Variants in CFAP70 observed in about 807,000 individuals in gnomAD.
CFAP70 encodes the protein cilia and flagella associated protein 70.
A neutral mutation model predicts 137.6 loss-of-function variants in CFAP70; 81 were observed. The observed-to-expected ratio is 0.59, with a 90% CI of 0.49 to 0.71. The LOEUF (loss-of-function observed/expected upper bound fraction) is 0.71, where lower values mean the gene tolerates loss of function less well. CFAP70 is among the 30% of genes least tolerant of loss of function. The pLI, the probability that CFAP70 is intolerant of heterozygous loss-of-function variation, is 0.00. For missense variants in CFAP70, 976 were observed against 1,226.7 expected (o/e 0.80, Z 3.05); for synonymous variants, 382 against 423.6 (o/e 0.90, Z 1.20).
intron 25 of CFAP70, among the ~76,000 whole-genome samples, chr10:73,267,083 A>C (rs1377777914): frequency 6.6e-6 from 1 of 152,080 alleles, no homozygotes; most frequent in African/African-American, 2.4e-5. Context: ...GTTTTTATTC[A>C]GCCTCATTTC....
intron 5 of CFAP70, among the ~76,000 whole-genome samples, chr10:73,343,981 G>C (rs1346794922): frequency 2.1e-5 from 3 of 144,934 alleles, no homozygotes; most frequent in Non-Finnish European, 4.5e-5. Flanking sequence ...TTTTTTTTGA[G>C]ATGGCGTTTC....
At chr10:73,269,694 C>T in exon 25 of CFAP70, 1 of 1,613,360 alleles carries the variant, frequency 6.2e-7, no homozygotes, top group Non-Finnish European at 8.5e-7. Flanking sequence ...AGAGCATCCT[C>T]AGCCTCTGTG....
chr10:73,272,799 A>T (rs777751223), intron 24 of CFAP70, 129 bp downstream of exon 25: 1 of 815,852 alleles, frequency 1.2e-6, no homozygotes, highest in Non-Finnish European at 2.1e-6. Flanking sequence ...TTGAAGAACA[A>T]CTTTTCATTA....
chr10:73,291,402 A>G (rs1371103995), exon 19 of CFAP70: 2 of 1,614,084 alleles, frequency 1.2e-6, no homozygotes, highest in South Asian at 1.1e-5. Flanking sequence ...ATGAAATGCC[A>G]TTTCCATTCG....
chr10:73,292,501 A>G (rs960437081), intron 16 of CFAP70, among the ~76,000 whole-genome samples: 1 of 152,338 alleles, frequency 6.6e-6, no homozygotes, highest in African/African-American at 2.4e-5. Context: ...AATATTGTTA[A>G]GATGTCAATA....
chr10:73,323,201 A>C (rs12240326), intron 8 of CFAP70, 104 bp from the exon 10 acceptor site: 1 of 1,100,760 alleles, frequency 9.1e-7, no homozygotes, highest in Non-Finnish European at 1.2e-6. Flanking sequence ...AAACTAACTC[A>C]ACTACTTAGC....
chr10:73,331,941 C>G (rs2052146920), intron 7 of CFAP70, among the ~76,000 whole-genome samples: 1 of 152,048 alleles, frequency 6.6e-6, no homozygotes, highest in South Asian at 2.1e-4. Flanking sequence ...AAATAGTATC[C>G]AGTTTCAGCT....
chr10:73,352,033 G>A (rs1199966406), intron 3 of CFAP70, among the ~76,000 whole-genome samples: 1 of 152,224 alleles, frequency 6.6e-6, no homozygotes, highest in East Asian at 1.9e-4. Context: ...GGTTTCCACT[G>A]ATACCACAGT....
rs12255344 is a variant in CFAP70, at chr10:73,279,572, T to A, written c.2240-1235A>T. Among the ~76,000 whole-genome samples the A allele has an allele frequency of 9.7e-3, 1,007 of 103,378 alleles. 15 individuals carry two copies. Among genetic ancestry groups the A allele is most frequent in the African/African-American group, 0.023 (590 of 25,978 alleles). The allele number at this position is 103,378 out of a possible 152,430, so 67.8% of individuals were successfully genotyped here. A position where few individuals can be genotyped will look rare whatever the true frequency, so the allele number is the denominator to read the frequency against. ...AAATAAATAAATAAATAAATAAATA[T>A]AAGAAGTTGGGCGAGGTGACTCACG... On this transcript the variant is annotated intron_variant, in intron 19 of 26. Transcript: ENST00000310715.
chr10:73,291,718 T>C (rs780511862), exon 18 of CFAP70: 1 of 1,613,990 alleles, frequency 6.2e-7, no homozygotes, highest in Non-Finnish European at 8.5e-7. Context: ...TGCTCATAGT[T>C]CTCCAACAGG....
At chr10:73,267,292 G>T (rs1170410904) in intron 25 of CFAP70, among the ~76,000 whole-genome samples, 8 of 152,200 alleles carry the variant, frequency 5.3e-5, no homozygotes, top group Non-Finnish European at 1.0e-4. Context: ...GTTAATGTTG[G>T]CTGTTGGCTG....
intron 25 of CFAP70, among the ~76,000 whole-genome samples, chr10:73,269,282 A>G (rs1053257326): frequency 1.3e-5 from 2 of 152,246 alleles, no homozygotes; most frequent in Non-Finnish European, 2.9e-5. Flanking sequence ...AAGCACCCTC[A>G]GCCAGCATTT....
chr10:73,323,128 G>A, intron 8 of CFAP70, 31 bp from the exon 10 acceptor site: 2 of 1,576,334 alleles, frequency 1.3e-6, no homozygotes, highest in Admixed American at 1.8e-5. Flanking sequence ...AGTTGTTAGT[G>A]CTATAAGCAA....
In CFAP70 at chr10:73,292,589, A is replaced by G. The variant is rs142880308; in HGVS notation, c.1771-575T>C. Among the ~76,000 whole-genome samples, 6 of 152,326 alleles carry G rather than the reference A, an allele frequency of 3.9e-5. No homozygotes were observed. In the East Asian group the frequency reaches 1.2e-3, roughly 29 times the overall value. ...AATGCCTCAAAATTCTCAAAAAGTTAAACACAGAATTACCGTATGTCTCAG... is the reference window on the plus strand; with the variant it reads ...AATGCCTCAAAATTCTCAAAAAGTTGAACACAGAATTACCGTATGTCTCAG... On this transcript the variant is annotated intron_variant, in intron 16 of 26. Coordinates refer to ENST00000310715, the Ensembl canonical transcript of CFAP70.
intron 8 of CFAP70, among the ~76,000 whole-genome samples, chr10:73,330,309 G>A (rs771015408): frequency 1.3e-5 from 2 of 151,852 alleles, no homozygotes; most frequent in Non-Finnish European, 2.9e-5. Flanking sequence ...AATTAGCCGG[G>A]CGTGGTGGTG....
At chr10:73,315,412 T>C (rs182969457) in intron 9 of CFAP70, among the ~76,000 whole-genome samples, 5 of 152,334 alleles carry the variant, frequency 3.3e-5, no homozygotes, top group Non-Finnish European at 2.9e-5. Context: ...ATTTGTATTA[T>C]TGTGAGCTTT....
chr10:73,356,951 G>T (rs768264686), intron 1 of CFAP70, among the ~76,000 whole-genome samples: 6 of 152,134 alleles, frequency 3.9e-5, no homozygotes, highest in Non-Finnish European at 8.8e-5. Flanking sequence ...GGATACAAGA[G>T]ATAAGATGTG....
chr10:73,323,771 G>A (rs561537196), intron 8 of CFAP70, among the ~76,000 whole-genome samples: 3 of 152,370 alleles, frequency 2.0e-5, no homozygotes, highest in East Asian at 3.9e-4. Flanking sequence ...GCAAGGCTGG[G>A]GGAGGGGTGC....
chr10:73,312,749 T>A, intron 9 of CFAP70, 106 bp from the exon 11 acceptor site: 1 of 1,002,364 alleles, frequency 1.0e-6, no homozygotes, highest in South Asian at 1.8e-5. Flanking sequence ...ATTTCGACAT[T>A]TAATATCAGA....
Sources: allele counts gnomAD v4.1 joint callset (sites outside exome capture counted in the v4.1 genomes callset), GRCh38; gene constraint gnomAD v4.1.1; transcripts MANE v1.5; gene names NCBI Gene and HGNC (gene_info 2026-07-23, HGNC 2026-07-21).